The following PTPN11 variants were observed in gnomAD, a reference collection of about 807,000 sequenced individuals.
The protein encoded by PTPN11 is protein tyrosine phosphatase non-receptor type 11, also known as tyrosine-protein phosphatase non-receptor type 11.
A neutral mutation model predicts 78.8 loss-of-function variants in PTPN11; 6 were observed. The ratio of observed to expected loss-of-function variants is 0.08; its 90% CI spans 0.04 to 0.15. PTPN11 has a LOEUF of 0.15. Among genes scored for constraint, PTPN11 ranks in the 10% least tolerant of loss-of-function variants. PTPN11 has a pLI of 1.00. For missense variants in PTPN11, 386 were observed against 744.8 expected (o/e 0.52, Z 5.61); for synonymous variants, 221 against 263.5 (o/e 0.84, Z 1.56).
chr12:112,419,014 T>C lies in PTPN11; in HGVS notation c.-98T>C. The C allele has an allele frequency of 6.8e-7, 1 of 1,475,668 alleles. No homozygotes were observed. The highest frequency in any genetic ancestry group is 9.1e-7 in the Non-Finnish European group (1 of 1,095,684). 91.4% of individuals were successfully genotyped at this position (1,475,668 alleles called of 1,614,324 possible). On this transcript the variant is annotated 5_prime_UTR_variant, in exon 1 of 16. Coordinates refer to ENST00000351677, the MANE Select transcript of PTPN11 (RefSeq NM_002834.5). ...CCGGCTGGCTCTGCCCCGCGTCCGG[T>C]CCCGAGCGGGCCTCCCTCGGGCCAG...
Position 112,504,833 on chromosome 12 carries a change from A to G in PTPN11, c.*32+37A>G. On this transcript the variant is annotated intron_variant, in intron 15 of 15. Transcript: ENST00000351677. This position sits in a 1 kb window ranked among gnomAD's most constrained non-coding sequence, Gnocchi z 4.7. ...CAAGTGCTCTATTGGTTAATTGTTT[A>G]TATAATTGGCAGTATTTTTAAGCAG... The G allele has an allele frequency of 7.7e-7, 1 of 1,297,188 alleles. No individual in the cohort carries two copies. Among genetic ancestry groups the G allele is most frequent in the Non-Finnish European group, 1.1e-6 (1 of 901,924 alleles). 80.4% of individuals were successfully genotyped at this position (1,297,188 alleles called of 1,614,324 possible).
chr12:112,454,555 T>C lies in PTPN11; in HGVS notation c.526-9T>C, dbSNP rs1284214136. The C allele has an allele frequency of 3.1e-6, 5 of 1,591,126 alleles. No individual in the cohort carries two copies. Among genetic ancestry groups the C allele is most frequent in the Non-Finnish European group, 4.3e-6 (5 of 1,159,800 alleles). Reference sequence around the variant, plus strand: ...ACAAATAATAAATGTCATGTGTTTATCTTGAAAGGAACTGAAATACGACGT... The same window carrying C: ...ACAAATAATAAATGTCATGTGTTTACCTTGAAAGGAACTGAAATACGACGT... On this transcript the variant is annotated splice_polypyrimidine_tract_variant and intron_variant, in intron 4 of 15. Transcript: ENST00000351677.
chr12:112,500,666 A>G (rs1315423838), intron 13 of PTPN11, among the ~76,000 whole-genome samples: 1 of 152,164 alleles, frequency 6.6e-6, no homozygotes, highest in African/African-American at 2.4e-5. Flanking sequence ...ATCTTGGCTC[A>G]CTGCAACCTC....
intron 13 of PTPN11, among the ~76,000 whole-genome samples, chr12:112,494,157 G>A (rs2038787167): frequency 1.3e-5 from 2 of 152,210 alleles, no homozygotes; most frequent in Admixed American, 6.5e-5. Context: ...GGGACACTGA[G>A]GCAGGAGGAT....
In PTPN11 at chr12:112,504,118, C is replaced by T. The variant is rs1333430231; in HGVS notation, c.1713-577C>T. Among the ~76,000 whole-genome samples the T allele has an allele frequency of 6.6e-6, 1 of 152,206 alleles. No homozygotes were observed. Among genetic ancestry groups the T allele is most frequent in the African/African-American group, 2.4e-5 (1 of 41,442 alleles). On this transcript the variant is annotated intron_variant, in intron 14 of 15. Coordinates refer to ENST00000351677, the MANE Select transcript of PTPN11 (RefSeq NM_002834.5). The surrounding 1 kb of genome is among the most constrained non-coding windows in gnomAD (Gnocchi z 4.7). ...CTTTCTTCACAGTGCGATCCAAATG[C>T]CTCATCCTACAGGCCTCCTTAAAAC... is the stretch of plus-strand genomic sequence containing the variant.
At chr12:112,499,740 A>G (rs1203309560) in intron 13 of PTPN11, among the ~76,000 whole-genome samples, 1 of 151,960 alleles carries the variant, frequency 6.6e-6, no homozygotes, top group East Asian at 1.9e-4. Context: ...ACTCGAGGCC[A>G]AGAGTTTGAG....
intron 1 of PTPN11, among the ~76,000 whole-genome samples, chr12:112,420,530 G>T (rs576806633): frequency 6.6e-6 from 1 of 152,036 alleles, no homozygotes; most frequent in Non-Finnish European, 1.5e-5. Flanking sequence ...TTTTAGTAGA[G>T]ACAGGGTTTC....
chr12:112,432,221 G>A (rs977677787), intron 1 of PTPN11, among the ~76,000 whole-genome samples: 1 of 151,532 alleles, frequency 6.6e-6, no homozygotes, highest in Admixed American at 6.6e-5. Context: ...AGGGAAAACA[G>A]GGGATTTCAC....
At chr12:112,474,342 G>A (rs945335555) in intron 7 of PTPN11, among the ~76,000 whole-genome samples, 1 of 152,064 alleles carries the variant, frequency 6.6e-6, no homozygotes, top group Non-Finnish European at 1.5e-5. Context: ...CAGGCTGGGC[G>A]ACAGAGTGAG....
chr12:112,461,084 A>G (rs1449674769), intron 6 of PTPN11, among the ~76,000 whole-genome samples: 1 of 152,108 alleles, frequency 6.6e-6, no homozygotes, highest in Non-Finnish European at 1.5e-5. Flanking sequence ...CATTGGATAC[A>G]AGTTTTCTTT....
chr12:112,449,900 T>C (rs1192660639), intron 2 of PTPN11, among the ~76,000 whole-genome samples: 2 of 152,088 alleles, frequency 1.3e-5, no homozygotes, highest in Non-Finnish European at 2.9e-5. Flanking sequence ...ACCTCATCTC[T>C]ACTAAAAATA....
rs1481720012 is a variant in PTPN11, at chr12:112,506,246, A to G, written c.*454A>G. 7 of 152,178 alleles carry G rather than the reference A, an allele frequency of 4.6e-5. No homozygotes were observed. Among genetic ancestry groups the G allele is most frequent in the African/African-American group, 1.7e-4 (7 of 41,426 alleles). 9.4% of individuals were successfully genotyped at this position (152,178 alleles called of 1,614,324 possible). On this transcript the variant is annotated 3_prime_UTR_variant, in exon 16 of 16. Transcript: ENST00000351677. ...TGGGAAAATTAAGTAACAACGACCT[A>G]GAAAAGTGAGAACAATCTCATTTAC...
chr12:112,484,860 C>T (rs1432906400), intron 10 of PTPN11, among the ~76,000 whole-genome samples: 1 of 150,752 alleles, frequency 6.6e-6, no homozygotes, highest in Non-Finnish European at 1.5e-5. Flanking sequence ...GCACTCCAGC[C>T]TTGGCAACAG....
chr12:112,450,741 G>A (rs2038068427), intron 3 of PTPN11, among the ~76,000 whole-genome samples: 1 of 152,150 alleles, frequency 6.6e-6, no homozygotes, highest in African/African-American at 2.4e-5. Flanking sequence ...TCCTATAGGG[G>A]TTGCATACCA....
chr12:112,502,026 C>A (rs1261778843), intron 13 of PTPN11, 118 bp from the exon 14 acceptor site: 45 of 756,080 alleles, frequency 6.0e-5, no homozygotes, highest in Admixed American at 1.7e-4. Flanking sequence ...CTCAACCCGT[C>A]TATCAATTTT....
intron 15 of PTPN11, among the ~76,000 whole-genome samples, chr12:112,505,470 C>T (rs2038921226): frequency 6.6e-6 from 1 of 151,804 alleles, no homozygotes; most frequent in African/African-American, 2.4e-5. Flanking sequence ...AGTTCGAGAC[C>T]AGCCTGACCA....
At chr12:112,503,206 A>G (rs1035409198) in intron 14 of PTPN11, among the ~76,000 whole-genome samples, 4 of 152,222 alleles carry the variant, frequency 2.6e-5, no homozygotes, top group Non-Finnish European at 5.9e-5. Flanking sequence ...TAGAGCCTAA[A>G]ATACTGACTC....
At chr12:112,440,440 A>AT (rs1163158577) in intron 1 of PTPN11, among the ~76,000 whole-genome samples, 3 of 149,048 alleles carry the variant, frequency 2.0e-5, no homozygotes, top group African/African-American at 5.0e-5. Context: ...CACCCAGCTA[A>AT]TTTTTTTGTA....
intron 11 of PTPN11, 34 bp downstream of exon 11, chr12:112,486,663 C>A: frequency 1.2e-6 from 2 of 1,610,406 alleles, no homozygotes; most frequent in Non-Finnish European, 1.7e-6. Flanking sequence ...AGGCCACAGC[C>A]TGTCCCTGTC....
Sources: gnomAD v4.1 joint callset for allele counts (sites outside exome capture counted in the v4.1 genomes callset) on GRCh38, gnomAD v4.1.1 for gene constraint, Gnocchi (gnomAD v3.1) non-coding constraint, MANE v1.5 for transcripts, NCBI Gene and HGNC (gene_info 2026-07-23, HGNC 2026-07-21) for gene names.